The following AGMO variants were observed in gnomAD, a reference collection of about 807,000 sequenced individuals.
The protein encoded by AGMO is alkylglycerol monooxygenase, also known as glyceryl-ether monooxygenase.
AGMO carries 75 observed loss-of-function variants against 60.2 expected under a neutral mutation model. The ratio of observed to expected loss-of-function variants is 1.25; its 90% confidence interval spans 1.03 to 1.51. AGMO has a LOEUF of 1.51. Ranked by LOEUF, AGMO falls within the 40% of genes most tolerant of loss-of-function variation. AGMO has a pLI of 0.00. For synonymous variants in AGMO, 261 were observed against 177.1 expected (o/e 1.47, Z -3.76); for missense variants, 763 against 525.5 (o/e 1.45, Z -4.42).
chr7:15,235,193 C>G lies in AGMO; in HGVS notation c.1264-33834G>C, dbSNP rs371487050. ...TTTTATCCAACATTTCTTTTATAAT[C>G]TCTCTTAATCTATAATATATATATA... On this transcript the variant is annotated intron_variant, in intron 12 of 12. Transcript: ENST00000342526. 2.6e-4 allele frequency among the ~76,000 whole-genome samples: 39 copies of G among 152,174 alleles called. 1 individual carries two copies. In the East Asian group the frequency reaches 7.0e-3, roughly 27 times the overall value.
the AGMO span, among the ~76,000 whole-genome samples, chr7:15,163,881 ATAGTTT>A: frequency 1.3e-5 from 2 of 152,046 alleles, no homozygotes; most frequent in Non-Finnish European, 2.9e-5. Context: ...ATTTTCTGAA[ATAGTTT>A]TAGTAAGATT....
At chr7:15,325,267 A>C (rs569178659) in intron 12 of AGMO, among the ~76,000 whole-genome samples, 1 of 152,260 alleles carries the variant, frequency 6.6e-6, no homozygotes, top group African/African-American at 2.4e-5. Flanking sequence ...AAGGCATTAA[A>C]GGCTAATAAA....
At chr7:15,272,998 T>A (rs990936409) in intron 12 of AGMO, among the ~76,000 whole-genome samples, 7 of 152,114 alleles carry the variant, frequency 4.6e-5, no homozygotes, top group Non-Finnish European at 1.0e-4. Context: ...TTCTTGTAAA[T>A]TTGGGTTCTT....
chr7:15,132,942 G>GGCAAGAGGGAT, the AGMO span, among the ~76,000 whole-genome samples: 35 of 152,248 alleles, frequency 2.3e-4, no homozygotes, highest in Admixed American at 3.9e-4. Flanking sequence ...TCTTCAGAAA[G>GGCAAGAGGGAT]GCAAGAGGGA....
At chr7:15,171,136 C>T in the AGMO span, among the ~76,000 whole-genome samples, 1 of 152,082 alleles carries the variant, frequency 6.6e-6, no homozygotes, top group African/African-American at 2.4e-5. Flanking sequence ...CGCCCGCCAC[C>T]ACGCCTGGCT....
chr7:15,344,500 G>C (rs1293891026), intron 12 of AGMO, among the ~76,000 whole-genome samples: 2 of 152,152 alleles, frequency 1.3e-5, no homozygotes, highest in African/African-American at 4.8e-5. Context: ...AGGAGTTCAA[G>C]ATAAGCCTGG....
intron 2 of AGMO, among the ~76,000 whole-genome samples, chr7:15,551,386 T>G (rs1300421485): frequency 6.7e-6 from 1 of 149,672 alleles, no homozygotes; most frequent in Non-Finnish European, 1.5e-5. Flanking sequence ...TTGTCCCTGT[T>G]TGCAGACGAC....
intron 3 of AGMO, among the ~76,000 whole-genome samples, chr7:15,451,248 G>A (rs1279059310): frequency 2.0e-5 from 3 of 152,114 alleles, no homozygotes; most frequent in African/African-American, 4.8e-5. Context: ...TATTTTCGGT[G>A]TAATGGAAAA....
chr7:15,205,118 A>G (rs1372963300), intron 12 of AGMO, among the ~76,000 whole-genome samples: 2 of 152,212 alleles, frequency 1.3e-5, no homozygotes, highest in Non-Finnish European at 1.5e-5. Context: ...TCAAATTACA[A>G]AGAAATGTGG....
chr7:15,553,797 A>G (rs1379432616), intron 2 of AGMO, among the ~76,000 whole-genome samples: 1 of 152,214 alleles, frequency 6.6e-6, no homozygotes, highest in Admixed American at 6.5e-5. Flanking sequence ...CCAGGTCTTG[A>G]GCAGACACCC....
intron 12 of AGMO, among the ~76,000 whole-genome samples, chr7:15,307,411 G>C (rs1780646053): frequency 6.6e-6 from 1 of 151,908 alleles, no homozygotes; most frequent in Admixed American, 6.6e-5. Context: ...TGCCAGTGGT[G>C]AATAAAACTT....
chr7:15,222,830 C>G (rs73056435), intron 12 of AGMO, among the ~76,000 whole-genome samples: 3,693 of 152,018 alleles, frequency 0.024, 54 homozygotes, highest in Middle Eastern at 0.048. Flanking sequence ...ACCCCATATA[C>G]TTTAGTGTTC....
At chr7:15,451,811 A>G (rs1459514096) in intron 3 of AGMO, among the ~76,000 whole-genome samples, 2 of 152,214 alleles carry the variant, frequency 1.3e-5, no homozygotes, top group Non-Finnish European at 2.9e-5. Flanking sequence ...GAAGATTTAT[A>G]GACCAAAAAA....
At chr7:15,224,387 A>G (rs1707163096) in intron 12 of AGMO, among the ~76,000 whole-genome samples, 2 of 152,004 alleles carry the variant, frequency 1.3e-5, no homozygotes, top group African/African-American at 2.4e-5. Context: ...GTACTTATAG[A>G]AAGAGATAAG....
chr7:15,224,580 A>G (rs770167177), intron 12 of AGMO, among the ~76,000 whole-genome samples: 34 of 152,008 alleles, frequency 2.2e-4, no homozygotes, highest in Admixed American at 1.3e-4. Flanking sequence ...TGTTTAAGCC[A>G]TCTCATCTAT....
At chr7:15,399,582 A>C (rs985341760) in intron 5 of AGMO, among the ~76,000 whole-genome samples, 1 of 152,236 alleles carries the variant, frequency 6.6e-6, no homozygotes, top group Non-Finnish European at 1.5e-5. Flanking sequence ...AATACAAATA[A>C]CAATTTTGTA....
rs543911925 is a variant in AGMO, at chr7:15,515,360, T to C, written c.409+29412A>G. Among the ~76,000 whole-genome samples the C allele has an allele frequency of 1.7e-4, 26 of 152,312 alleles. 1 individual carries two copies. The highest frequency in any genetic ancestry group is 4.8e-4 in the African/African-American group (20 of 41,582). On this transcript the variant is annotated intron_variant, in intron 3 of 12. Coordinates refer to ENST00000342526, the MANE Select transcript of AGMO (RefSeq NM_001004320.2). ...CATTATTTTTCTCTCCAGAATTGTA[T>C]GAGCTTTAGGAAAACACAGAACCCA...
chr7:15,473,687 A>C (rs1190106679), intron 3 of AGMO, among the ~76,000 whole-genome samples: 1 of 152,132 alleles, frequency 6.6e-6, no homozygotes, highest in Non-Finnish European at 1.5e-5. Flanking sequence ...CTCCTATTCA[A>C]CTTAATATTG....
chr7:15,366,095 T>C (rs1294482710), intron 11 of AGMO, 45 bp downstream of exon 11: 1 of 1,452,282 alleles, frequency 6.9e-7, no homozygotes, highest in East Asian at 2.4e-5. Flanking sequence ...GGAAAATTCT[T>C]GAATTGAGTA....
Sources: allele counts gnomAD v4.1 joint callset (sites outside exome capture counted in the v4.1 genomes callset), GRCh38; gene constraint gnomAD v4.1.1; transcripts MANE v1.5; gene names NCBI Gene and HGNC (gene_info 2026-07-23, HGNC 2026-07-21).